The following VWA3B variants were observed in gnomAD, a reference collection of about 807,000 sequenced individuals.
VWA3B encodes von Willebrand factor A domain-containing protein 3B.
In VWA3B, 138 loss-of-function variants were observed where a neutral mutation model predicts 158.3. The ratio of observed to expected loss-of-function variants is 0.87; its 90% CI spans 0.76 to 1.00. VWA3B has a LOEUF of 1.00. VWA3B is among the 50% of genes least tolerant of loss of function. VWA3B has a pLI of 0.00. For missense variants in VWA3B, 1,555 were observed against 1,565.1 expected (o/e 0.99, Z 0.11); for synonymous variants, 596 against 587.3 (o/e 1.01, Z -0.21).
intron 4 of VWA3B, among the ~76,000 whole-genome samples, chr2:98,120,988 C>T (rs892293564): frequency 1.3e-5 from 2 of 152,118 alleles, no homozygotes; most frequent in African/African-American, 4.8e-5. Context: ...ATAAACTTGC[C>T]TGTTTATAAA....
At chr2:98,088,889 G>A (rs972058465) in intron 1 of VWA3B, among the ~76,000 whole-genome samples, 1 of 152,028 alleles carries the variant, frequency 6.6e-6, no homozygotes, top group Non-Finnish European at 1.5e-5. Flanking sequence ...TAGTAGCTGG[G>A]ATTACACGTG....
intron 14 of VWA3B, among the ~76,000 whole-genome samples, chr2:98,219,562 G>A (rs1274298881): frequency 6.6e-6 from 1 of 152,162 alleles, no homozygotes; most frequent in African/African-American, 2.4e-5. Context: ...ATTGGATTAT[G>A]GCTATAAACA....
chr2:98,261,380 A>C (rs1687469988), intron 21 of VWA3B, among the ~76,000 whole-genome samples: 2 of 151,772 alleles, frequency 1.3e-5, no homozygotes, highest in African/African-American at 4.8e-5. Flanking sequence ...CTGATTTGTA[A>C]TTATTATTTT....
chr2:98,163,267 C>T (rs781318911), intron 8 of VWA3B, among the ~76,000 whole-genome samples: 34 of 152,106 alleles, frequency 2.2e-4, no homozygotes, highest in Middle Eastern at 3.2e-3. Context: ...GGGCCGGGCG[C>T]GGTGGCTCAC....
intron 26 of VWA3B, among the ~76,000 whole-genome samples, chr2:98,305,907 C>T (rs909681999): frequency 2.6e-5 from 4 of 152,104 alleles, no homozygotes; most frequent in African/African-American, 9.7e-5. Context: ...AGAGCCCCAT[C>T]CCCATCACCC....
chr2:98,118,088 G>C (rs1035928571), intron 3 of VWA3B, among the ~76,000 whole-genome samples: 17 of 152,080 alleles, frequency 1.1e-4, no homozygotes, highest in Admixed American at 9.8e-4. Flanking sequence ...TACTATCTGT[G>C]GAATCTTCAG....
intron 4 of VWA3B, among the ~76,000 whole-genome samples, chr2:98,120,741 C>T (rs746979216): frequency 5.3e-5 from 8 of 152,152 alleles, no homozygotes; most frequent in Non-Finnish European, 8.8e-5. Context: ...TTTATAAGCC[C>T]AAACTAAATG....
chr2:98,211,733 G>A (rs1335442788), intron 12 of VWA3B, among the ~76,000 whole-genome samples, 197 bp from the exon 13 acceptor site: 1 of 152,196 alleles, frequency 6.6e-6, no homozygotes, highest in Non-Finnish European at 1.5e-5. Flanking sequence ...TCCTTGGACT[G>A]CCCGGAAAGA....
chr2:98,288,093 A>G (rs1018390201), intron 22 of VWA3B, among the ~76,000 whole-genome samples: 2 of 152,208 alleles, frequency 1.3e-5, no homozygotes, highest in African/African-American at 4.8e-5. Context: ...TGATCTGATC[A>G]TTCCAATATC....
At chr2:98,208,389 C>G (rs545528552) in intron 12 of VWA3B, among the ~76,000 whole-genome samples, 1 of 151,966 alleles carries the variant, frequency 6.6e-6, no homozygotes, top group Non-Finnish European at 1.5e-5. Context: ...TTAAGTGTCT[C>G]ATTTTATTTA....
intron 7 of VWA3B, among the ~76,000 whole-genome samples, chr2:98,134,738 G>A (rs1676134384): frequency 6.6e-6 from 1 of 151,998 alleles, no homozygotes; most frequent in Non-Finnish European, 1.5e-5. Flanking sequence ...AAGGCAGAGA[G>A]GCTACTCTTT....
At chr2:98,293,284 A>T (rs897002940) in intron 23 of VWA3B, among the ~76,000 whole-genome samples, 8 of 152,242 alleles carry the variant, frequency 5.3e-5, no homozygotes, top group Admixed American at 1.3e-4. Context: ...TTTAATTTGC[A>T]GTGTAATTAA....
chr2:98,258,598 T>C (rs1004753375), intron 21 of VWA3B, among the ~76,000 whole-genome samples: 4 of 151,814 alleles, frequency 2.6e-5, no homozygotes, highest in African/African-American at 7.2e-5. Flanking sequence ...TTGGGTGCTA[T>C]TATAAATGGG....
At chr2:98,172,540 C>T (rs1453412138) in intron 8 of VWA3B, among the ~76,000 whole-genome samples, 1 of 152,146 alleles carries the variant, frequency 6.6e-6, no homozygotes, top group East Asian at 1.9e-4. Flanking sequence ...AACGCATGTC[C>T]CCACCTAGGT....
chr2:98,256,222 C>T (rs1385532154), intron 21 of VWA3B, 48 bp downstream of exon 21: 11 of 1,582,046 alleles, frequency 7.0e-6, no homozygotes, highest in African/African-American at 4.1e-5. Flanking sequence ...GTGAAATTCA[C>T]GTAACCTAAA....
At chr2:98,297,209 G>A (rs2105972041) in intron 23 of VWA3B, among the ~76,000 whole-genome samples, 1 of 152,166 alleles carries the variant, frequency 6.6e-6, no homozygotes, top group Admixed American at 6.5e-5. Context: ...AGCCTCCCGA[G>A]TAGCTGGGAT....
intron 16 of VWA3B, among the ~76,000 whole-genome samples, chr2:98,233,502 A>G (rs1308566960): frequency 6.6e-6 from 1 of 152,180 alleles, no homozygotes; most frequent in East Asian, 1.9e-4. Context: ...CACTGGCAGG[A>G]GCTCAGCTCT....
chr2:98,324,882 G>A, the VWA3B span, among the ~76,000 whole-genome samples: 1 of 148,956 alleles, frequency 6.7e-6, no homozygotes, highest in African/African-American at 2.5e-5. Flanking sequence ...GAAAATTCCA[G>A]AACTAAAAAA....
intron 25 of VWA3B, among the ~76,000 whole-genome samples, chr2:98,302,893 C>T (rs1018639578): frequency 3.9e-5 from 6 of 152,276 alleles, no homozygotes; most frequent in South Asian, 2.1e-4. Context: ...TCAGAGCCAG[C>T]GGCCACTGGA....
Sources: gnomAD v4.1 joint callset for allele counts (sites outside exome capture counted in the v4.1 genomes callset) on GRCh38, gnomAD v4.1.1 for gene constraint, MANE v1.5 for transcripts, NCBI Gene and HGNC (gene_info 2026-07-23, HGNC 2026-07-21) for gene names.